Variants in SEC16A observed in about 807,000 individuals in gnomAD.
The protein encoded by SEC16A is SEC16 homolog A, endoplasmic reticulum export factor.
A neutral mutation model predicts 221.9 loss-of-function variants in SEC16A; 110 were observed. The ratio of observed to expected loss-of-function variants is 0.50; its 90% CI spans 0.42 to 0.58. The LOEUF is 0.58. Among genes scored for constraint, SEC16A ranks in the 20% least tolerant of loss-of-function variants. The pLI is 0.00. For missense variants in SEC16A, 3,165 were observed against 3,097.8 expected (o/e 1.02, Z -0.52); for synonymous variants, 1,393 against 1,257.7 (o/e 1.11, Z -2.28).
chr9:136,480,822 G>A (rs530867410), intron 1 of SEC16A, among the ~76,000 whole-genome samples: 1 of 152,100 alleles, frequency 6.6e-6, no homozygotes, highest in East Asian at 1.9e-4. Context: ...CCTGGGAGGC[G>A]GAGCTTGCAG....
intron 1 of SEC16A, among the ~76,000 whole-genome samples, chr9:136,481,231 G>A (rs1208917166): frequency 6.6e-6 from 1 of 151,360 alleles, no homozygotes; most frequent in Non-Finnish European, 1.5e-5. Context: ...GCCCCCCGGG[G>A]TTCACGCCAT....
At chr9:136,458,345 A>G (rs980417389) in intron 17 of SEC16A, among the ~76,000 whole-genome samples, 4 of 152,108 alleles carry the variant, frequency 2.6e-5, no homozygotes, top group Non-Finnish European at 5.9e-5. Flanking sequence ...AATAGCTCGT[A>G]CGGCTGGGCG....
rs367604342 is a variant in SEC16A, at chr9:136,476,773, G to C, written c.843C>G (p.Asp281Glu). ...PPAALPSDGR[D>E]EVSHLQSGSH... is the part of the protein sequence containing the mutation. ...TTCCACTTTGCAAGTGGCTCACCTC[G>C]TCTCTTCCGTCACTGGGCAAGGCTG... is the stretch of plus-strand genomic sequence containing the variant. The change falls in exon 3 of 32, where the codon GAC becomes GAG. Residue 281 changes from aspartate (D) to glutamate (E), a missense_variant. Transcript: ENST00000684901. 6 of 1,611,080 alleles carry C rather than the reference G, an allele frequency of 3.7e-6. No individual in the cohort carries two copies. The highest frequency in any genetic ancestry group is 1.1e-5 in the South Asian group (1 of 90,888).
rs773111968 is a variant in SEC16A at position 136,466,333 on chromosome 9, C to T, written c.4059G>A (p.Ser1353=). 5.7e-6 allele frequency: 9 copies of T among 1,573,488 alleles called. No individual in the cohort carries two copies. Among genetic ancestry groups the T allele is most frequent in the South Asian group, 4.6e-5 (4 of 87,048 alleles). ...TGTGTGCGCTGTGCAGGCTCCGTGC[C>T]GAGTGCTCGCTGTGGACGCTGCGCC... The part of the protein sequence containing the change: ...VDRRSVHSEH[S]ARSLHSAHSL... Residue 1353 remains serine (S), a synonymous_variant, in exon 7 of 32, where the codon TCG becomes TCA. Transcript: ENST00000684901. This position sits in a 1 kb window ranked among gnomAD's most constrained non-coding sequence, Gnocchi z 5.5.
chr9:136,455,704 T>C lies in SEC16A; in HGVS notation c.5754A>G (p.Pro1918=). The C allele has an allele frequency of 6.3e-7, 1 of 1,593,560 alleles. No homozygotes were observed. The stretch of plus-strand genomic sequence containing the variant: ...CCAGGGCTCCTGGCTGACTGAGTCC[T>C]GGCCTGTCCAACTGCTCCATCTCGG... ...PSSEMEQLDR[P]GLSQPGALGI... Residue 1918 remains proline, a synonymous_variant, in exon 20 of 32, where the codon CCA becomes CCG. Coordinates refer to ENST00000684901, the MANE Select transcript of SEC16A (RefSeq NM_014866.2).
chr9:136,454,660 G>A (rs889288219), intron 20 of SEC16A, among the ~76,000 whole-genome samples: 2 of 152,236 alleles, frequency 1.3e-5, no homozygotes, highest in Non-Finnish European at 2.9e-5. Flanking sequence ...TCCACGGCCA[G>A]GGGTCACACA....
rs1034742005 is a variant in SEC16A, at chr9:136,445,578, G to C, written c.6867+67C>G. On this transcript the variant is annotated intron_variant, in intron 29 of 31. Transcript: ENST00000684901. ...AGTACCGCCCCTCCATAAAGGAAGAGGCGCCTGGACAGTGAGCTGCTGGGG... is the reference window on the plus strand; with the variant it reads ...AGTACCGCCCCTCCATAAAGGAAGACGCGCCTGGACAGTGAGCTGCTGGGG... 150 of 1,210,314 alleles carry C rather than the reference G, an allele frequency of 1.2e-4. No individual in the cohort carries two copies. In the African/African-American group the frequency reaches 2.1e-3, roughly 17 times the overall value. 75.0% of individuals were successfully genotyped at this position (1,210,314 alleles called of 1,614,324 possible).
rs2132731653 is a variant in SEC16A at position 136,472,064 on chromosome 9, A to G, written c.3615T>C (p.Ala1205=). 1 of 1,613,676 alleles carries G rather than the reference A, an allele frequency of 6.2e-7. No homozygotes were observed. Among genetic ancestry groups the G allele is most frequent in the South Asian group, 1.1e-5 (1 of 91,082 alleles). Residue 1205 remains alanine (A), a synonymous_variant, in exon 4 of 32, where the codon GCT becomes GCC. Coordinates refer to ENST00000684901, the MANE Select transcript of SEC16A (RefSeq NM_014866.2). The part of the protein sequence containing the change: ...YEPRYRPYDG[A]ASAYAQNYRY... ...GGTAGTTCTGGGCGTAAGCAGACGC[A>G]GCACCATCATAGGGCCTGTATCGAG...
chr9:136,441,598 T>A lies in SEC16A; in HGVS notation c.*157A>T. Reference sequence around the variant, plus strand: ...GGAATTAATTTTCAAAATAATTCATTACGATGGGCGGTGAGGAGGGAGGCA... The same window carrying A: ...GGAATTAATTTTCAAAATAATTCATAACGATGGGCGGTGAGGAGGGAGGCA... On this transcript the variant is annotated 3_prime_UTR_variant, in exon 32 of 32. Transcript: ENST00000684901. 1 of 606,116 alleles carries A rather than the reference T, an allele frequency of 1.6e-6. No individual in the cohort carries two copies. The highest frequency in any genetic ancestry group is 3.0e-6 in the Non-Finnish European group (1 of 333,454). 37.5% of individuals were successfully genotyped at this position (606,116 alleles called of 1,614,324 possible).
Position 136,474,397 on chromosome 9 carries a change from T to G in SEC16A, c.3219A>C (p.Leu1073=). The change falls in exon 3 of 32, where the codon CTA becomes CTC. Residue 1073 remains leucine, a synonymous_variant. Transcript: ENST00000684901. ...ACAGCTCCGAAAACATGGCTTTGGG[T>G]AGTTGTGGGGGAGAAGCCTGTTGCT... ...PPQQQASPPQ[L]PKAMFSELSN... The G allele has an allele frequency of 6.2e-7, 1 of 1,612,534 alleles. No homozygotes were observed. Among genetic ancestry groups the G allele is most frequent in the Non-Finnish European group, 8.5e-7 (1 of 1,179,840 alleles).
At chr9:136,473,296 G>T (rs1049795472) in intron 3 of SEC16A, among the ~76,000 whole-genome samples, 1 of 152,266 alleles carries the variant, frequency 6.6e-6, no homozygotes, top group East Asian at 1.9e-4. Flanking sequence ...TCTACCTGGG[G>T]TGACACTGAA....
intron 9 of SEC16A, among the ~76,000 whole-genome samples, chr9:136,464,057 G>A (rs1045939187): frequency 3.3e-5 from 5 of 152,222 alleles, no homozygotes; most frequent in African/African-American, 1.2e-4. Context: ...CCGTCACCTC[G>A]GCAGCGCCGT....
intron 23 of SEC16A, among the ~76,000 whole-genome samples, chr9:136,450,204 AAAACAAAC>A (rs376017444): frequency 5.3e-5 from 8 of 152,240 alleles, no homozygotes; most frequent in South Asian, 2.1e-4. Context: ...ACCCTGTCTC[AAAACAAAC>A]AAACAAACAA....
At chr9:136,481,260 A>C (rs983850534) in intron 1 of SEC16A, among the ~76,000 whole-genome samples, 84 of 144,488 alleles carry the variant, frequency 5.8e-4, no homozygotes, top group Non-Finnish European at 1.0e-3. Context: ...CTCAGCCTCC[A>C]GCGTAGCTGG....
chr9:136,454,335 G>A lies in SEC16A; in HGVS notation c.5858-8C>T, dbSNP rs770916311. ...CAGGGAGCGTCTGCGGAGCTGCATG[G>A]GAACGGTGGAGAAGAGGTCTGGGGT... On this transcript the variant is annotated splice_region_variant and splice_polypyrimidine_tract_variant and intron_variant, in intron 20 of 31. Transcript: ENST00000684901. 1.3e-6 allele frequency: 2 copies of A among 1,563,898 alleles called. No homozygotes were observed. Among genetic ancestry groups the A allele is most frequent in the Admixed American group, 1.9e-5 (1 of 52,152 alleles).
Position 136,455,744 on chromosome 9 carries a change from G to A in SEC16A, c.5714C>T (p.Pro1905Leu), listed in dbSNP as rs1353644681. The change falls in exon 20 of 32, where the codon CCT (proline) becomes CTT (leucine). Residue 1905 changes from proline (P) to leucine (L), a missense_variant. Coordinates refer to ENST00000684901, the MANE Select transcript of SEC16A (RefSeq NM_014866.2). ...CTCCATCTCGGAACTCGGAGTGCCA[G>A]GACACTGCTGCGGGAGGGCTCCATC... ...HQDGALPQQC[P>L]GTPSSEMEQL... is the part of the protein sequence containing the mutation. The A allele has an allele frequency of 1.9e-6, 3 of 1,599,506 alleles. No homozygotes were observed. The highest frequency in any genetic ancestry group is 1.7e-6 in the Non-Finnish European group (2 of 1,173,450).
intron 23 of SEC16A, among the ~76,000 whole-genome samples, chr9:136,450,481 GA>G (rs146039610): frequency 3.8e-4 from 56 of 147,874 alleles, no homozygotes; most frequent in African/African-American, 9.4e-4. Flanking sequence ...CTTTATGGGG[GA>G]AAAAAAAAAC....
Position 136,467,052 on chromosome 9 carries a change from A to C in SEC16A, c.3834T>G (p.Ser1278Arg). Residue 1278 changes from serine (S) to arginine (R), a missense_variant, in exon 6 of 32, where the codon AGT becomes AGG. This residue lies in a region of SEC16A where 2,030 missense variants were observed against 1,923.1 expected (regional missense o/e 1.06). Coordinates refer to ENST00000684901, the MANE Select transcript of SEC16A (RefSeq NM_014866.2). Reference sequence around the variant, plus strand: ...AGGTGCGGGGGTCCCTGACTCTAGCACTGTAGTGGTAACGATCCCAGTGAC... The same window carrying C: ...AGGTGCGGGGGTCCCTGACTCTAGCCCTGTAGTGGTAACGATCCCAGTGAC... ...DPGHWDRYHY[S>R]ARVRDPRTYD... 4 of 1,613,926 alleles carry C rather than the reference A, an allele frequency of 2.5e-6. No individual in the cohort carries two copies. The South Asian group carries it at 4.4e-5, about 18-fold the overall frequency.
chr9:136,444,475 G>A (rs1164904222), intron 30 of SEC16A, among the ~76,000 whole-genome samples: 1 of 152,176 alleles, frequency 6.6e-6, no homozygotes, highest in African/African-American at 2.4e-5. Context: ...GCGAGGCCAC[G>A]ACCCAGGCCC....
Sources: allele counts gnomAD v4.1 joint callset (sites outside exome capture counted in the v4.1 genomes callset), GRCh38; gene constraint gnomAD v4.1.1; regional missense constraint gnomAD v4.1.1; non-coding constraint Gnocchi (gnomAD v3.1); transcripts MANE v1.5; gene names NCBI Gene and HGNC (gene_info 2026-07-23, HGNC 2026-07-21).